Variants in CPLX2 observed in about 807,000 individuals in gnomAD.
CPLX2 encodes complexin 2.
Under a neutral mutation model 16.3 loss-of-function variants are expected in CPLX2, and 5 were observed. The observed-to-expected ratio is 0.31, with a 90% CI of 0.16 to 0.64. The LOEUF (loss-of-function observed/expected upper bound fraction) is 0.64. Ranked by LOEUF, CPLX2 falls within the 30% of genes least tolerant of loss-of-function variation. CPLX2 has a pLI of 0.79. For missense variants in CPLX2, 144 were observed against 181.4 expected, an observed-to-expected ratio of 0.79 and a Z score of 1.18; for synonymous variants, 89 against 73.2, an observed-to-expected ratio of 1.22 and a Z score of -1.10.
intron 2 of CPLX2, among the ~76,000 whole-genome samples, chr5:175,848,880 G>A (rs114589384): frequency 2.2e-3 from 337 of 152,288 alleles, no homozygotes; most frequent in African/African-American, 7.8e-3. Flanking sequence ...AACAAGCTTG[G>A]CAACCCGGGG....
chr5:175,864,106 T>G (rs1476317027), intron 2 of CPLX2, among the ~76,000 whole-genome samples: 1 of 152,204 alleles, frequency 6.6e-6, no homozygotes, highest in Non-Finnish European at 1.5e-5. Flanking sequence ...TAATACTTGC[T>G]GAGGCTATGC....
At chr5:175,875,510 G>C (rs1047030574) in intron 1 of CPLX2, among the ~76,000 whole-genome samples, 1 of 152,182 alleles carries the variant, frequency 6.6e-6, no homozygotes, top group African/African-American at 2.4e-5. Context: ...ATTTCAAAGT[G>C]CCATTATAAT....
chr5:175,825,639 G>C (rs906470474), intron 2 of CPLX2, among the ~76,000 whole-genome samples: 2 of 152,252 alleles, frequency 1.3e-5, no homozygotes, highest in Admixed American at 1.3e-4. Flanking sequence ...TAAGACAAGG[G>C]TTGAGAGTGG....
At chr5:175,823,832 C>T (rs1228281190) in intron 2 of CPLX2, among the ~76,000 whole-genome samples, 10 of 152,326 alleles carry the variant, frequency 6.6e-5, no homozygotes, top group Admixed American at 6.5e-4. Context: ...CTCCCTCCCC[C>T]TCCTCAAACC....
At chr5:175,811,526 A>G (rs1173920517) in intron 2 of CPLX2, among the ~76,000 whole-genome samples, 4 of 152,054 alleles carry the variant, frequency 2.6e-5, no homozygotes, top group Admixed American at 6.5e-5. Context: ...GCACATATTC[A>G]TGTTGTGAAG....
chr5:175,851,496 C>A (rs1759153722), intron 2 of CPLX2, among the ~76,000 whole-genome samples: 1 of 152,200 alleles, frequency 6.6e-6, no homozygotes. Context: ...ATTTCCCCCA[C>A]AAGAAGTCAC....
chr5:175,871,032 G>A (rs1759580345), upstream of CPLX2, among the ~76,000 whole-genome samples: 1 of 152,150 alleles, frequency 6.6e-6, no homozygotes, highest in Admixed American at 6.5e-5. Context: ...CAGGTGGAAC[G>A]GGGGTCGCTG....
intron 3 of CPLX2, 94 bp from the exon 4 acceptor site, chr5:175,879,754 C>A: frequency 8.1e-7 from 1 of 1,238,510 alleles, no homozygotes; most frequent in Non-Finnish European, 1.2e-6. Context: ...GGAGGCACTC[C>A]TGGCCACCTC....
chr5:175,876,089 T>C (rs1453540453), intron 1 of CPLX2, among the ~76,000 whole-genome samples: 1 of 152,122 alleles, frequency 6.6e-6, no homozygotes, highest in Non-Finnish European at 1.5e-5. Context: ...GGTAAATGTG[T>C]TTTTTTACTT....
At position 175,845,569 on chromosome 5, in the gene CPLX2, A is replaced by G. The variant is rs369038560; in HGVS notation, c.-88-33083A>G. Reference sequence around the variant, plus strand: ...TGCGTCACTGTGTGTTATTTTCTTCATATTTTCTTCAGAGCATTGCCTGAA... The same window carrying G: ...TGCGTCACTGTGTGTTATTTTCTTCGTATTTTCTTCAGAGCATTGCCTGAA... On this transcript the variant is annotated intron_variant, in intron 2 of 4. Transcript: ENST00000359546. The surrounding 1 kb of genome is among the most constrained non-coding windows in gnomAD (Gnocchi z 4.0). Among the ~76,000 whole-genome samples the G allele has an allele frequency of 6.6e-6, 1 of 152,066 alleles. No homozygotes were observed. Among genetic ancestry groups the G allele is most frequent in the Non-Finnish European group, 1.5e-5 (1 of 68,024 alleles).
chr5:175,824,799 C>T (rs1253392170), intron 2 of CPLX2, among the ~76,000 whole-genome samples: 4 of 152,228 alleles, frequency 2.6e-5, no homozygotes, highest in African/African-American at 9.6e-5. Flanking sequence ...CGTGGTTTTA[C>T]ATCATCCACT....
At chr5:175,838,101 G>A (rs373115400) in intron 2 of CPLX2, among the ~76,000 whole-genome samples, 3 of 152,250 alleles carry the variant, frequency 2.0e-5, no homozygotes, top group South Asian at 4.2e-4. Flanking sequence ...TCAGAGATGT[G>A]TTCCCCAAGA....
At chr5:175,817,053 G>T (rs993822478) in intron 2 of CPLX2, among the ~76,000 whole-genome samples, 1 of 152,254 alleles carries the variant, frequency 6.6e-6, no homozygotes, top group Non-Finnish European at 1.5e-5. Flanking sequence ...CGGGGATACC[G>T]ACCCTCACTG....
chr5:175,868,037 G>C (rs1759510981), upstream of CPLX2, among the ~76,000 whole-genome samples: 1 of 152,164 alleles, frequency 6.6e-6, no homozygotes, highest in Admixed American at 6.5e-5. Context: ...GACCAACTCT[G>C]CCCCTCCAGG....
exon 1 of CPLX2, chr5:175,796,711 G>T (rs917303767): frequency 6.6e-6 from 1 of 152,422 alleles, no homozygotes; most frequent in East Asian, 1.9e-4. Context: ...CAAGGAAGAG[G>T]GGGAGGGAGA....
intron 2 of CPLX2, among the ~76,000 whole-genome samples, chr5:175,829,270 C>T (rs1337964425): frequency 2.0e-5 from 3 of 152,328 alleles, no homozygotes; most frequent in East Asian, 1.9e-4. Context: ...TGCGGCTCAG[C>T]GAGGCCAGCA....
intron 1 of CPLX2, among the ~76,000 whole-genome samples, chr5:175,799,343 A>T (rs4867805): frequency 0.57 from 86,814 of 151,762 alleles, 25,881 homozygotes; most frequent in East Asian, 0.85. Context: ...TGGGGAGAAA[A>T]TGGCCCAAAG....
intron 1 of CPLX2, among the ~76,000 whole-genome samples, chr5:175,801,837 C>T (rs536926426): frequency 6.6e-6 from 1 of 152,256 alleles, no homozygotes; most frequent in Non-Finnish European, 1.5e-5. Flanking sequence ...GGCCTCGAAT[C>T]CCAGACCAGA....
chr5:175,799,908 G>C (rs893454939), intron 1 of CPLX2, among the ~76,000 whole-genome samples: 1 of 151,886 alleles, frequency 6.6e-6, no homozygotes, highest in African/African-American at 2.4e-5. Context: ...CCTCCCAGCT[G>C]GCCCCTTAGT....
Sources: gnomAD v4.1 joint callset for allele counts (sites outside exome capture counted in the v4.1 genomes callset) on GRCh38, gnomAD v4.1.1 for gene constraint, Gnocchi (gnomAD v3.1) non-coding constraint, MANE v1.5 for transcripts, NCBI Gene and HGNC (gene_info 2026-07-23, HGNC 2026-07-21) for gene names.